XKR9: variants seen among roughly 807,000 people sequenced by gnomAD.
The protein encoded by XKR9 is XK-related protein 9.
XKR9 carries 32 observed loss-of-function variants against 32.0 expected under a neutral mutation model. The ratio of observed to expected loss-of-function variants is 1.00; its 90% CI spans 0.76 to 1.34. The LOEUF is 1.34. Ranked by LOEUF, XKR9 falls within the 40% of genes most tolerant of loss-of-function variation. The pLI is 0.00. For missense variants in XKR9, 546 were observed against 429.7 expected (o/e 1.27, Z -2.39); for synonymous variants, 168 against 143.4 (o/e 1.17, Z -1.22).
the XKR9 span, among the ~76,000 whole-genome samples, chr8:70,882,401 G>C: frequency 2.0e-5 from 3 of 151,540 alleles, no homozygotes; most frequent in Admixed American, 6.6e-5. Flanking sequence ...CCTGTTTCTA[G>C]TTAAGAATTT....
intron 2 of XKR9, among the ~76,000 whole-genome samples, chr8:70,767,499 T>C (rs1462726689): frequency 9.2e-5 from 6 of 65,226 alleles, no homozygotes; most frequent in East Asian, 7.4e-4. Flanking sequence ...TTTCCTTCTT[T>C]TTTTTTTTTT....
the XKR9 span, among the ~76,000 whole-genome samples, chr8:70,906,291 A>G: frequency 6.6e-6 from 1 of 152,112 alleles, no homozygotes; most frequent in Non-Finnish European, 1.5e-5. Context: ...TTCCTAATGT[A>G]TCTGTAAGTA....
chr8:70,974,347 C>G, the XKR9 span, among the ~76,000 whole-genome samples: 1 of 151,856 alleles, frequency 6.6e-6, no homozygotes, highest in African/African-American at 2.4e-5. Flanking sequence ...CACCCATTAA[C>G]TCATCATTTA....
chr8:70,739,742 G>T (rs1490791393), downstream of XKR9, among the ~76,000 whole-genome samples: 2 of 152,130 alleles, frequency 1.3e-5, no homozygotes, highest in African/African-American at 2.4e-5. Context: ...AGTTTGTCTG[G>T]ATATGAAATT....
the XKR9 span, among the ~76,000 whole-genome samples, chr8:70,955,917 C>T: frequency 7.9e-3 from 1,209 of 152,298 alleles, 14 homozygotes; most frequent in African/African-American, 0.027. Context: ...AAGCCACTTC[C>T]GCAGTGGGTA....
chr8:70,689,392 C>T (rs1454928631), intron 3 of XKR9, among the ~76,000 whole-genome samples: 1 of 150,758 alleles, frequency 6.6e-6, no homozygotes, highest in Admixed American at 6.6e-5. Flanking sequence ...CCTTGTTCAT[C>T]AGAGTATGGA....
intron 4 of XKR9, among the ~76,000 whole-genome samples, chr8:70,710,196 C>T (rs895043921): frequency 6.6e-6 from 1 of 152,098 alleles, no homozygotes; most frequent in Non-Finnish European, 1.5e-5. Flanking sequence ...AGGGAAAGGA[C>T]TGTCTATTCA....
chr8:70,766,643 A>C (rs894776296), intron 2 of XKR9, among the ~76,000 whole-genome samples: 2 of 152,040 alleles, frequency 1.3e-5, no homozygotes, highest in African/African-American at 2.4e-5. Context: ...GTTTAATTGG[A>C]GTGGTGAGAG....
intron 3 of XKR9, among the ~76,000 whole-genome samples, chr8:70,702,751 T>G (rs1805582949): frequency 1.3e-5 from 2 of 152,170 alleles, no homozygotes; most frequent in Non-Finnish European, 2.9e-5. Context: ...CATATGAAGT[T>G]TTTTATTTGG....
the XKR9 span, among the ~76,000 whole-genome samples, chr8:70,881,723 T>C: frequency 6.6e-6 from 1 of 152,146 alleles, no homozygotes; most frequent in Admixed American, 6.5e-5. Flanking sequence ...CTCGAGGATA[T>C]AGAACTAGAA....
chr8:70,976,324 T>A, the XKR9 span, among the ~76,000 whole-genome samples: 5 of 152,192 alleles, frequency 3.3e-5, no homozygotes, highest in Non-Finnish European at 5.9e-5. Context: ...AGGGAATGCT[T>A]CCAGTTTTTG....
chr8:70,862,695 A>G, the XKR9 span, among the ~76,000 whole-genome samples: 1 of 151,978 alleles, frequency 6.6e-6, no homozygotes, highest in Non-Finnish European at 1.5e-5. Flanking sequence ...TGGGTGAAGA[A>G]TAAATATGTG....
At chr8:70,718,861 T>C (rs555043651) in intron 4 of XKR9, among the ~76,000 whole-genome samples, 165 of 152,312 alleles carry the variant, frequency 1.1e-3, no homozygotes, top group African/African-American at 3.7e-3. Context: ...GGTCAAATGA[T>C]ATTTCTAGTT....
chr8:70,696,301 A>C (rs1026728644), intron 3 of XKR9, among the ~76,000 whole-genome samples: 2 of 151,796 alleles, frequency 1.3e-5, no homozygotes, highest in Non-Finnish European at 2.9e-5. Context: ...TCTTCTAGGG[A>C]TTTTATGGTT....
intron 3 of XKR9, among the ~76,000 whole-genome samples, chr8:70,685,053 G>T (rs268639): frequency 0.3 from 41,525 of 140,570 alleles, 6,747 homozygotes; most frequent in East Asian, 0.63. Context: ...CACGTATGTT[G>T]ATTGCAGCAC....
At chr8:70,739,368 C>T (rs1387946982), downstream of XKR9, among the ~76,000 whole-genome samples, 3 of 152,190 alleles carry the variant, frequency 2.0e-5, no homozygotes, top group Non-Finnish European at 4.4e-5. Flanking sequence ...TGTCTCTGCA[C>T]ATGAGATGGG....
chr8:70,829,756 T>TTTTCTAAAATAC, the XKR9 span, among the ~76,000 whole-genome samples: 1 of 152,224 alleles, frequency 6.6e-6, no homozygotes, highest in Admixed American at 6.5e-5. Flanking sequence ...CCTGAACTGG[T>TTTTCTAAAATAC]TTTCTAAAAA....
At chr8:70,686,384 A>C (rs1255586815) in intron 3 of XKR9, among the ~76,000 whole-genome samples, 2 of 150,600 alleles carry the variant, frequency 1.3e-5, no homozygotes. Flanking sequence ...CTGGGACTAC[A>C]GGTGTGTGCC....
the XKR9 span, among the ~76,000 whole-genome samples, chr8:70,865,561 A>C: frequency 1.3e-5 from 2 of 152,042 alleles, no homozygotes; most frequent in African/African-American, 4.8e-5. Flanking sequence ...TGTAATTATA[A>C]TGGTGTAAGT....
Sources: gnomAD v4.1 joint callset for allele counts (sites outside exome capture counted in the v4.1 genomes callset) on GRCh38, gnomAD v4.1.1 for gene constraint, MANE v1.5 for transcripts, NCBI Gene and HGNC (gene_info 2026-07-23, HGNC 2026-07-21) for gene names.